Variants in CFAP46 observed in about 807,000 individuals in gnomAD.
CFAP46 encodes the protein cilia- and flagella-associated protein 46.
CFAP46 carries 245 observed loss-of-function variants against 325.7 expected under a neutral mutation model. That is an observed-to-expected ratio of 0.75 (90% CI 0.68 to 0.84). The LOEUF (loss-of-function observed/expected upper bound fraction) is 0.84. Among genes scored for constraint, CFAP46 ranks in the 40% least tolerant of loss-of-function variants. The pLI is 0.00. For missense variants in CFAP46, 3,346 were observed against 3,543.0 expected, an observed-to-expected ratio of 0.94 and a Z score of 1.41; for synonymous variants, 1,523 against 1,495.9, an observed-to-expected ratio of 1.02 and a Z score of -0.42.
In CFAP46 at chr10:132,926,672, G is replaced by T; in HGVS notation, c.967-6C>A. 1.3e-6 allele frequency: 2 copies of T among 1,532,320 alleles called. No homozygotes were observed. The highest frequency in any genetic ancestry group is 2.4e-5 in the East Asian group (1 of 40,898). The allele number at this position is 1,532,320 out of a possible 1,614,324, so 94.9% of individuals were successfully genotyped here. ...TCAATAAGCTTCCCAGGATCCTGCA[G>T]ATATAAACAGTTTTTGAAAAGATGG... On this transcript the variant is annotated splice_region_variant and splice_polypyrimidine_tract_variant and intron_variant, in intron 9 of 57. Coordinates refer to ENST00000368586, the MANE Select transcript of CFAP46 (RefSeq NM_001200049.3).
intron 39 of CFAP46, among the ~76,000 whole-genome samples, chr10:132,854,163 G>C (rs796769456): frequency 3.3e-5 from 5 of 151,786 alleles, no homozygotes; most frequent in African/African-American, 1.2e-4. Flanking sequence ...TTTCCATCTC[G>C]GTATTGAATT....
chr10:132,924,992 T>A, intron 10 of CFAP46, 106 bp from the exon 11 acceptor site: 1 of 902,266 alleles, frequency 1.1e-6, no homozygotes, highest in Non-Finnish European at 1.5e-6. Flanking sequence ...CCTAAATTCA[T>A]CACCCTGCGT....
rs546936160 is a variant in CFAP46, at chr10:132,851,249, G to A, written c.5631C>T (p.Leu1877=). ...MRKLARLKLG[L]VEMALDMLQF... ...GGAGCATGTCCAGAGCCATTTCCACGAGGCCGAGCTTGAGGCGCGCCAGCT... is the reference window on the plus strand; with the variant it reads ...GGAGCATGTCCAGAGCCATTTCCACAAGGCCGAGCTTGAGGCGCGCCAGCT... Residue 1877 remains leucine (L), a synonymous_variant, in exon 40 of 58, where the codon CTC becomes CTT. Coordinates refer to ENST00000368586, the MANE Select transcript of CFAP46 (RefSeq NM_001200049.3). 13 of 1,614,058 alleles carry A rather than the reference G, an allele frequency of 8.1e-6. 1 individual carries two copies. Among genetic ancestry groups the A allele is most frequent in the Admixed American group, 3.3e-5 (2 of 60,026 alleles).
rs558274364 is a variant in CFAP46 at position 132,847,044 on chromosome 10, A to C, written c.6155T>G (p.Val2052Gly). The C allele has an allele frequency of 1.2e-6, 2 of 1,612,290 alleles. No individual in the cohort carries two copies. The highest frequency in any genetic ancestry group is 1.7e-6 in the Non-Finnish European group (2 of 1,179,890). The change falls in exon 43 of 58, where the codon GTG becomes GGG. Residue 2052 changes from valine to glycine, a missense_variant. By Grantham distance (109) the Val-to-Gly change is moderately radical (BLOSUM62 -3). Coordinates refer to ENST00000368586, the MANE Select transcript of CFAP46 (RefSeq NM_001200049.3). This position sits in a 1 kb window ranked among gnomAD's most constrained non-coding sequence, Gnocchi z 5.2. Reference protein sequence around the residue: ...ASEVLLQCLQVALGSGLLDVA... With the variant: ...ASEVLLQCLQGALGSGLLDVA... ...ATCCAGGAGGCCACTGCCAAGGGCC[A>C]CCTGTAGGCACTGCAGCAGCACCTC... is the stretch of plus-strand genomic sequence containing the variant.
chr10:132,927,350 TCCTCGGCGGCAGACGCCTCCGTCCC>T (rs1849826820), intron 9 of CFAP46, among the ~76,000 whole-genome samples: 5 of 151,618 alleles, frequency 3.3e-5, no homozygotes. Flanking sequence ...GGGGAGCAGG[TCCTCGGCGGCAGACGCCTCCGTCCC>T]GGGGAGCAGG....
intron 25 of CFAP46, among the ~76,000 whole-genome samples, chr10:132,888,044 T>A (rs1462701604): frequency 7.9e-5 from 10 of 126,382 alleles, no homozygotes; most frequent in Non-Finnish European, 4.9e-5. Flanking sequence ...CTTCTCTCTC[T>A]CCTCTCCCCT....
chr10:132,905,431 A>AG (rs1849442806), intron 22 of CFAP46, among the ~76,000 whole-genome samples: 1 of 146,808 alleles, frequency 6.8e-6, no homozygotes, highest in East Asian at 2.0e-4. Context: ...TGTTATTTCT[A>AG]GCATCCCACA....
intron 24 of CFAP46, among the ~76,000 whole-genome samples, chr10:132,894,510 A>G (rs1213310017): frequency 2.6e-5 from 4 of 152,234 alleles, no homozygotes; most frequent in African/African-American, 7.2e-5. Flanking sequence ...CAGAAAAACA[A>G]TAAAGAAAAT....
rs1456570464 is a variant in CFAP46, at chr10:132,822,704, AGTGCTGATGT to A, written c.7118-7800_7118-7791del. On this transcript the variant is annotated intron_variant, in intron 50 of 57. Coordinates refer to ENST00000368586, the MANE Select transcript of CFAP46 (RefSeq NM_001200049.3). ...TGTGTGTGCTGATGTGTGCTGTGTGAGTGCTGATGTGTGCTGATGTGTGCTGTGTGTGCAG... is the reference window on the plus strand; with the variant it reads ...TGTGTGTGCTGATGTGTGCTGTGTGAGTGCTGATGTGTGCTGTGTGTGCAG... Among the ~76,000 whole-genome samples the A allele has an allele frequency of 2.1e-4, 14 of 67,162 alleles. 1 individual carries two copies. Among genetic ancestry groups the A allele is most frequent in the East Asian group, 1.5e-3 (3 of 2,030 alleles). The allele number at this position is 67,162 out of a possible 152,430, so 44.1% of individuals were successfully genotyped here.
chr10:132,841,742 A>G (rs12240394), intron 44 of CFAP46, among the ~76,000 whole-genome samples: 13,260 of 152,174 alleles, frequency 0.087, 601 homozygotes, highest in Non-Finnish European at 0.099. Context: ...CTGTGGGTCT[A>G]TCTGCACCAG....
At chr10:132,858,281 C>A (rs4994317) in intron 38 of CFAP46, among the ~76,000 whole-genome samples, 3 of 38,180 alleles carry the variant, frequency 7.9e-5, no homozygotes, top group African/African-American at 5.6e-4. Context: ...TTGCTGGGGG[C>A]GGCCCCAGGT....
intron 13 of CFAP46, among the ~76,000 whole-genome samples, chr10:132,921,665 CCT>C (rs1849723771): frequency 6.6e-6 from 1 of 152,190 alleles, no homozygotes; most frequent in Non-Finnish European, 1.5e-5. Flanking sequence ...CAGGGTGGAC[CCT>C]AGTCCAATCT....
At chr10:132,858,752 T>C (rs899099547) in intron 38 of CFAP46, among the ~76,000 whole-genome samples, 2 of 151,898 alleles carry the variant, frequency 1.3e-5, no homozygotes, top group African/African-American at 4.8e-5. Context: ...GGTGGTGCTG[T>C]ATGTCTGTGC....
At chr10:132,809,310 T>A (rs560144416) in intron 57 of CFAP46, among the ~76,000 whole-genome samples, 1 of 152,242 alleles carries the variant, frequency 6.6e-6, no homozygotes, top group East Asian at 1.9e-4. Flanking sequence ...AGGTCATCGC[T>A]GAGCAGCAGC....
At chr10:132,820,300 G>A (rs1208697921) in intron 50 of CFAP46, among the ~76,000 whole-genome samples, 4 of 150,750 alleles carry the variant, frequency 2.7e-5, no homozygotes, top group African/African-American at 1.0e-4. Context: ...AGGAATCTAA[G>A]AGTGCAGCTC....
chr10:132,885,808 G>GGGGAGCACTCACAGGCGGTGGA lies in CFAP46; in HGVS notation c.3443+12_3443+13insTCCACCGCCTGTGAGTGCTCCC, dbSNP rs1849120189. On this transcript the variant is annotated intron_variant, in intron 26 of 57. Coordinates refer to ENST00000368586, the MANE Select transcript of CFAP46 (RefSeq NM_001200049.3). ...TGGAGGGAGCACTCACAGGCGGTGGGGGGAGCACTCACAGGCGGTGGGCCG... is the reference window on the plus strand; with the variant it reads ...TGGAGGGAGCACTCACAGGCGGTGGGGGGAGCACTCACAGGCGGTGGAGGGAGCACTCACAGGCGGTGGGCCG... 2 of 1,537,772 alleles carry GGGGAGCACTCACAGGCGGTGGA rather than the reference G, an allele frequency of 1.3e-6. No homozygotes were observed. The highest frequency in any genetic ancestry group is 2.0e-5 in the Admixed American group (1 of 50,616).
At chr10:132,867,194 C>CGCCTGGCTCAG (rs1186306246) in intron 34 of CFAP46, among the ~76,000 whole-genome samples, 181 bp downstream of exon 34, 1 of 149,430 alleles carries the variant, frequency 6.7e-6, no homozygotes, top group South Asian at 2.2e-4. Flanking sequence ...ACAGGCCGGC[C>CGCCTGGCTCAG]CCTCACACAC....
intron 38 of CFAP46, 109 bp downstream of exon 38, chr10:132,858,962 G>C (rs1001903913): frequency 8.4e-7 from 1 of 1,186,674 alleles, no homozygotes; most frequent in Non-Finnish European, 1.2e-6. Context: ...TGTGGACCCC[G>C]CGGGGGTGCA....
intron 8 of CFAP46, among the ~76,000 whole-genome samples, chr10:132,931,025 A>G (rs1451183428): frequency 2.4e-4 from 15 of 63,698 alleles, no homozygotes; most frequent in South Asian, 7.6e-4. Flanking sequence ...CACAAACAAA[A>G]CCTGGGCCTC....
Sources: allele counts gnomAD v4.1 joint callset (sites outside exome capture counted in the v4.1 genomes callset), GRCh38; gene constraint gnomAD v4.1.1; non-coding constraint Gnocchi (gnomAD v3.1); transcripts MANE v1.5; gene names NCBI Gene and HGNC (gene_info 2026-07-23, HGNC 2026-07-21).